The following ADCY1 variants were observed in gnomAD, a reference collection of about 807,000 sequenced individuals.
ADCY1 encodes the protein adenylate cyclase 1.
In ADCY1, 28 loss-of-function variants were observed where a neutral mutation model predicts 105.4. The ratio of observed to expected loss-of-function variants is 0.27; its 90% CI spans 0.20 to 0.36. The LOEUF is 0.36. ADCY1 is among the 10% of genes least tolerant of loss of function. ADCY1 has a pLI of 1.00. For synonymous variants in ADCY1, 655 were observed against 623.8 expected (o/e 1.05, Z -0.75); for missense variants, 977 against 1,434.2 (o/e 0.68, Z 5.15).
At chr7:45,624,001 G>A (rs77374858) in intron 4 of ADCY1, among the ~76,000 whole-genome samples, 216 of 152,302 alleles carry the variant, frequency 1.4e-3, no homozygotes, top group African/African-American at 5.0e-3. Flanking sequence ...AGGGAGGGGC[G>A]CTGAGATCAG....
At chr7:45,702,445 G>A (rs1037599327) in intron 14 of ADCY1, among the ~76,000 whole-genome samples, 10 of 152,358 alleles carry the variant, frequency 6.6e-5, no homozygotes, top group Admixed American at 2.6e-4. Context: ...GCCATGGGCC[G>A]CTCCGCAAGG....
At chr7:45,584,906 G>A (rs1219665966) in intron 1 of ADCY1, among the ~76,000 whole-genome samples, 1 of 152,256 alleles carries the variant, frequency 6.6e-6, no homozygotes, top group Non-Finnish European at 1.5e-5. Flanking sequence ...GAAAGTTCAG[G>A]AGATGCCAGG....
At chr7:45,664,556 A>C (rs1795218908) in intron 8 of ADCY1, 1 of 1,301,136 alleles carries the variant, frequency 7.7e-7, no homozygotes, top group South Asian at 2.0e-5. Context: ...GGAGAAAATG[A>C]AAAGCATTTA....
chr7:45,612,813 A>G (rs1394646224), intron 3 of ADCY1, among the ~76,000 whole-genome samples: 1 of 152,150 alleles, frequency 6.6e-6, no homozygotes, highest in Non-Finnish European at 1.5e-5. Flanking sequence ...GCCAGGAGAG[A>G]ACAGAGGTGG....
At chr7:45,583,701 C>T (rs981810934) in intron 1 of ADCY1, among the ~76,000 whole-genome samples, 4 of 151,980 alleles carry the variant, frequency 2.6e-5, no homozygotes, top group Admixed American at 6.6e-5. Flanking sequence ...AGTGCAGTGG[C>T]GCTGTCTCGG....
rs531332901 is a variant in ADCY1, at chr7:45,585,722, A to G, written c.640-7037A>G. On this transcript the variant is annotated intron_variant, in intron 1 of 19. Coordinates refer to ENST00000297323, the MANE Select transcript of ADCY1 (RefSeq NM_021116.4). ...CTCGGCCTCCCAAAGTGCTGGGATT[A>G]CAGTGTGAGCCACCACACCTGGCCC... is the stretch of plus-strand genomic sequence containing the variant. 3.3e-5 allele frequency among the ~76,000 whole-genome samples: 5 copies of G among 152,272 alleles called. No individual in the cohort carries two copies. In the East Asian group the frequency reaches 9.7e-4, roughly 29 times the overall value.
intron 19 of ADCY1, among the ~76,000 whole-genome samples, chr7:45,712,809 T>C (rs1584350027): frequency 2.0e-5 from 3 of 152,316 alleles, no homozygotes; most frequent in Middle Eastern, 6.8e-3. Flanking sequence ...ACAGGACTCA[T>C]TGCATTTAGT....
intron 4 of ADCY1, among the ~76,000 whole-genome samples, chr7:45,633,089 T>C (rs1474091454): frequency 6.6e-6 from 1 of 152,160 alleles, no homozygotes; most frequent in East Asian, 1.9e-4. Flanking sequence ...GGCTAATTTT[T>C]GTATTTTTGG....
Position 45,713,863 on chromosome 7 carries a change from A to T in ADCY1, c.3228A>T (p.Pro1076=). 1 of 780,794 alleles carries T rather than the reference A, an allele frequency of 1.3e-6. No homozygotes were observed. 48.4% of individuals were successfully genotyped at this position (780,794 alleles called of 1,614,324 possible). ...RSLGLDRKMC[P]FGRAGLQGRR... is the part of the protein sequence containing the mutation. ...TGGGCTTGGATCGGAAAATGTGTCCATTTGGGAGAGCTGGCCTTCAGGGCA... is the reference window on the plus strand; with the variant it reads ...TGGGCTTGGATCGGAAAATGTGTCCTTTTGGGAGAGCTGGCCTTCAGGGCA... Residue 1076 remains proline, a synonymous_variant, in exon 20 of 20, where the codon CCA becomes CCT. Transcript: ENST00000297323.
chr7:45,672,970 G>A (rs370240246), intron 8 of ADCY1, among the ~76,000 whole-genome samples: 1 of 152,078 alleles, frequency 6.6e-6, no homozygotes, highest in East Asian at 1.9e-4. Flanking sequence ...AATCAAGTTG[G>A]AGAAGTTCCC....
chr7:45,583,167 G>A (rs974880958), intron 1 of ADCY1, among the ~76,000 whole-genome samples: 1 of 152,228 alleles, frequency 6.6e-6, no homozygotes, highest in Non-Finnish European at 1.5e-5. Context: ...TGTACACATC[G>A]TGTGTGGATG....
chr7:45,582,086 G>C (rs964466745), intron 1 of ADCY1, among the ~76,000 whole-genome samples: 1 of 152,004 alleles, frequency 6.6e-6, no homozygotes, highest in Non-Finnish European at 1.5e-5. Context: ...ACAAATACAT[G>C]CATGCTCACC....
chr7:45,619,905 T>G (rs988743311), intron 3 of ADCY1, among the ~76,000 whole-genome samples: 2 of 152,214 alleles, frequency 1.3e-5, no homozygotes, highest in East Asian at 3.8e-4. Flanking sequence ...TTTAATTACC[T>G]TGATTGTGTC....
chr7:45,605,109 A>T (rs572796527), intron 2 of ADCY1, among the ~76,000 whole-genome samples: 4 of 152,172 alleles, frequency 2.6e-5, no homozygotes, highest in Non-Finnish European at 4.4e-5. Context: ...CTTAAATATC[A>T]GTGTCCATGT....
chr7:45,694,133 AAAAAC>A lies in ADCY1; in HGVS notation c.2454+7462_2454+7466del, dbSNP rs1191245609. ...AGTATAATAAAAAAAAAAAAAAAAA[AAAAAC>A]ACTGTCAACCAACTTGACTTAATTG... is the stretch of plus-strand genomic sequence containing the variant. On this transcript the variant is annotated intron_variant, in intron 14 of 19. Transcript: ENST00000297323. Among the ~76,000 whole-genome samples, 7 of 146,324 alleles carry A rather than the reference AAAAAC, an allele frequency of 4.8e-5. No individual in the cohort carries two copies. The South Asian group carries it at 8.5e-4, about 18-fold the overall frequency.
chr7:45,637,672 C>CT (rs749824528), intron 4 of ADCY1, among the ~76,000 whole-genome samples: 6 of 152,200 alleles, frequency 3.9e-5, no homozygotes, highest in Non-Finnish European at 8.8e-5. Context: ...CTGCAGCGAA[C>CT]TATGATCACA....
chr7:45,597,106 C>T (rs902196685), intron 2 of ADCY1, among the ~76,000 whole-genome samples: 2 of 152,174 alleles, frequency 1.3e-5, no homozygotes, highest in Non-Finnish European at 2.9e-5. Context: ...ATGGCCCCCA[C>T]TGAATGCCTG....
intron 4 of ADCY1, among the ~76,000 whole-genome samples, chr7:45,640,736 A>T (rs1011246709): frequency 4.2e-4 from 64 of 152,200 alleles, no homozygotes; most frequent in Non-Finnish European, 1.0e-4. Flanking sequence ...TTTATTTTCT[A>T]TAGGGGACCA....
intron 8 of ADCY1, among the ~76,000 whole-genome samples, chr7:45,663,489 G>T (rs1437444192): frequency 6.6e-6 from 1 of 152,186 alleles, no homozygotes; most frequent in Admixed American, 6.5e-5. Context: ...TGGCGGTGTT[G>T]CACAAGGGCC....
Sources: allele counts gnomAD v4.1 joint callset (sites outside exome capture counted in the v4.1 genomes callset), GRCh38; gene constraint gnomAD v4.1.1; transcripts MANE v1.5; gene names NCBI Gene and HGNC (gene_info 2026-07-23, HGNC 2026-07-21).